Variants in ROBO2 observed in about 807,000 individuals in gnomAD.
ROBO2 encodes roundabout guidance receptor 2.
Under a neutral mutation model 160.8 loss-of-function variants are expected in ROBO2, and 53 were observed. The ratio of observed to expected loss-of-function variants is 0.33; its 90% CI spans 0.26 to 0.41. The LOEUF is 0.41. ROBO2 is among the 10% of genes least tolerant of loss of function. The pLI, the probability that ROBO2 is intolerant of heterozygous loss-of-function variation, is 1.00. For missense variants in ROBO2, 1,577 were observed against 1,722.4 expected (o/e 0.92, Z 1.49); for synonymous variants, 664 against 611.7 (o/e 1.09, Z -1.26).
At chr3:76,221,284 T>G (rs917991041) in intron 2 of ROBO2, among the ~76,000 whole-genome samples, 2 of 150,614 alleles carry the variant, frequency 1.3e-5, no homozygotes, top group African/African-American at 2.4e-5. Flanking sequence ...ATTTTACAAG[T>G]GGGTAACTCA....
intron 2 of ROBO2, among the ~76,000 whole-genome samples, chr3:77,456,393 T>C (rs1347043974): frequency 6.6e-6 from 1 of 152,122 alleles, no homozygotes; most frequent in East Asian, 1.9e-4. Context: ...AGGTAGGGGG[T>C]AGTCTTGGAA....
At chr3:76,972,761 A>T (rs2059632949) in intron 2 of ROBO2, among the ~76,000 whole-genome samples, 1 of 152,156 alleles carries the variant, frequency 6.6e-6, no homozygotes, top group East Asian at 1.9e-4. Flanking sequence ...CTGGAGGCTG[A>T]GGTAGGAGGA....
At chr3:76,887,676 G>C (rs1457465951) in intron 2 of ROBO2, among the ~76,000 whole-genome samples, 1 of 152,046 alleles carries the variant, frequency 6.6e-6, no homozygotes, top group Non-Finnish European at 1.5e-5. Flanking sequence ...AATTAAATCT[G>C]GATCCCAGCC....
At chr3:77,475,342 CAT>C (rs2083873652) in intron 2 of ROBO2, among the ~76,000 whole-genome samples, 1 of 152,076 alleles carries the variant, frequency 6.6e-6, no homozygotes, top group Non-Finnish European at 1.5e-5. Flanking sequence ...GCCATAAGCA[CAT>C]GTTTTATTGT....
Position 77,211,057 on chromosome 3 carries a change from G to A in ROBO2, c.388+112717G>A, listed in dbSNP as rs1217981581. Among the ~76,000 whole-genome samples the A allele has an allele frequency of 1.4e-4, 21 of 152,140 alleles. No individual in the cohort carries two copies. In the South Asian group the frequency reaches 1.7e-3, roughly 12 times the overall value. ...AGTGCCGCAATAAACATATGTGTGT[G>A]TGTGTCTTTATAGCAGCATGTTTTG... On this transcript the variant is annotated intron_variant, in intron 2 of 25. Coordinates refer to ENST00000461745, the Ensembl canonical transcript of ROBO2.
At chr3:77,307,413 CA>C in intron 2 of ROBO2, among the ~76,000 whole-genome samples, 1 of 152,106 alleles carries the variant, frequency 6.6e-6, no homozygotes, top group South Asian at 2.1e-4. Flanking sequence ...TAAAAGCATA[CA>C]GGGGTGAAGT....
intron 2 of ROBO2, among the ~76,000 whole-genome samples, chr3:76,042,026 T>C (rs1422839528): frequency 2.1e-5 from 1 of 47,790 alleles, no homozygotes. Context: ...GAGAGAGAGG[T>C]TAAAAAAAAA....
chr3:76,025,920 A>G (rs2066728982), intron 2 of ROBO2, among the ~76,000 whole-genome samples: 1 of 151,838 alleles, frequency 6.6e-6, no homozygotes, highest in Non-Finnish European at 1.5e-5. Context: ...GAATTTCTAC[A>G]TGAGCTCTAC....
At chr3:76,213,604 T>A (rs1703293412) in intron 2 of ROBO2, among the ~76,000 whole-genome samples, 1 of 152,150 alleles carries the variant, frequency 6.6e-6, no homozygotes, top group Non-Finnish European at 1.5e-5. Flanking sequence ...TACTAAGAGA[T>A]TTCTTTAATT....
intron 2 of ROBO2, among the ~76,000 whole-genome samples, chr3:76,904,591 GC>G (rs2075461716): frequency 1.3e-5 from 2 of 151,978 alleles, no homozygotes; most frequent in Admixed American, 6.6e-5. Context: ...CTTTCTTACT[GC>G]CCCTACCTGC....
chr3:76,597,879 C>CT (rs139754309), intron 2 of ROBO2, among the ~76,000 whole-genome samples: 7,452 of 152,122 alleles, frequency 0.049, 205 homozygotes, highest in African/African-American at 0.075. Context: ...TGAACTTGTT[C>CT]TTTTTTATGG....
chr3:76,836,471 CTT>C (rs1476509815), intron 2 of ROBO2, among the ~76,000 whole-genome samples: 1 of 148,158 alleles, frequency 6.7e-6, no homozygotes, highest in African/African-American at 2.5e-5. Context: ...TAAAAAAAGA[CTT>C]TGGGGGGGCA....
At chr3:76,927,546 G>A (rs2077062020) in intron 2 of ROBO2, among the ~76,000 whole-genome samples, 1 of 152,104 alleles carries the variant, frequency 6.6e-6, no homozygotes, top group South Asian at 2.1e-4. Context: ...TAAGGTTCTT[G>A]CAACACATTG....
intron 2 of ROBO2, among the ~76,000 whole-genome samples, chr3:76,368,193 G>T (rs1410049999): frequency 6.6e-6 from 1 of 151,824 alleles, no homozygotes; most frequent in African/African-American, 2.4e-5. Flanking sequence ...AATGCTTTCT[G>T]TACCTGTTTA....
intron 2 of ROBO2, among the ~76,000 whole-genome samples, chr3:77,195,391 A>C (rs1488399266): frequency 6.6e-6 from 1 of 152,206 alleles, no homozygotes; most frequent in Non-Finnish European, 1.5e-5. Flanking sequence ...ATTTTATTTA[A>C]GTTAGGTTTA....
At chr3:76,393,920 T>C (rs1482078283) in intron 2 of ROBO2, among the ~76,000 whole-genome samples, 1 of 152,204 alleles carries the variant, frequency 6.6e-6, no homozygotes, top group Non-Finnish European at 1.5e-5. Context: ...AATAGGGATA[T>C]AGGTGGATGA....
chr3:76,831,329 C>T (rs1146018), intron 2 of ROBO2, among the ~76,000 whole-genome samples: 19,065 of 152,014 alleles, frequency 0.13, 1,300 homozygotes, highest in East Asian at 0.2. Flanking sequence ...TGGTAAGTCC[C>T]CTTATCTACT....
chr3:76,622,985 A>G (rs1244359582), intron 2 of ROBO2, among the ~76,000 whole-genome samples: 4 of 152,096 alleles, frequency 2.6e-5, no homozygotes, highest in African/African-American at 7.2e-5. Flanking sequence ...AGATCTTGCA[A>G]TCTTACCCTT....
intron 2 of ROBO2, among the ~76,000 whole-genome samples, chr3:76,118,249 G>C (rs1045575449): frequency 6.6e-6 from 1 of 152,100 alleles, no homozygotes; most frequent in African/African-American, 2.4e-5. Context: ...TTGAGAGAGG[G>C]ACACAGAGAG....
Sources: gnomAD v4.1 joint callset for allele counts (sites outside exome capture counted in the v4.1 genomes callset) on GRCh38, gnomAD v4.1.1 for gene constraint, MANE v1.5 for transcripts, NCBI Gene and HGNC (gene_info 2026-07-23, HGNC 2026-07-21) for gene names.